Variants in SV2C observed in about 807,000 individuals in gnomAD.
SV2C encodes the protein solute carrier family 22 member B3.
SV2C carries 49 observed loss-of-function variants against 79.7 expected under a neutral mutation model. The ratio of observed to expected loss-of-function variants is 0.61; its 90% CI spans 0.49 to 0.78. The LOEUF is 0.78. Among genes scored for constraint, SV2C ranks in the 30% least tolerant of loss-of-function variants. The pLI, the probability that SV2C is intolerant of heterozygous loss-of-function variation, is 0.00. For synonymous variants in SV2C, 334 were observed against 333.2 expected (o/e 1.00, Z -0.03); for missense variants, 833 against 912.9 (o/e 0.91, Z 1.13).
the SV2C span, among the ~76,000 whole-genome samples, chr5:75,861,950 G>A: frequency 0.11 from 16,798 of 152,190 alleles, 992 homozygotes; most frequent in East Asian, 0.16. Context: ...ACCTGTACAT[G>A]TATCTTCTGA....
chr5:75,938,715 C>A, the SV2C span, among the ~76,000 whole-genome samples: 1 of 152,030 alleles, frequency 6.6e-6, no homozygotes, highest in Non-Finnish European at 1.5e-5. Flanking sequence ...TCTGGTAACA[C>A]GTATATTTTT....
the SV2C span, among the ~76,000 whole-genome samples, chr5:76,047,005 G>A: frequency 2.4e-4 from 36 of 152,328 alleles, no homozygotes; most frequent in South Asian, 4.1e-4. Context: ...TGAAGAATGT[G>A]AATTGAATTT....
chr5:75,932,590 A>G, the SV2C span, among the ~76,000 whole-genome samples: 1 of 152,248 alleles, frequency 6.6e-6, no homozygotes, highest in Admixed American at 6.5e-5. Context: ...TAAACAAAGC[A>G]TTCTTCGTGA....
upstream of SV2C, among the ~76,000 whole-genome samples, chr5:76,082,724 T>G (rs966391946): frequency 1.3e-5 from 2 of 150,180 alleles, no homozygotes; most frequent in Non-Finnish European, 3.0e-5. Context: ...CTATGTAGCA[T>G]TGGGGAGACA....
At chr5:75,921,607 GTTC>G in the SV2C span, 2 of 969,774 alleles carry the variant, frequency 2.1e-6, no homozygotes, top group South Asian at 2.6e-5. Context: ...TGACAATTGT[GTTC>G]TTCTCCCCCT....
intron 3 of SV2C, among the ~76,000 whole-genome samples, chr5:76,204,105 A>C (rs1158434952): frequency 1.3e-5 from 2 of 152,134 alleles, no homozygotes; most frequent in African/African-American, 4.8e-5. Flanking sequence ...GTGATACTCT[A>C]TTTACTTTCA....
intron 4 of SV2C, among the ~76,000 whole-genome samples, chr5:76,254,137 T>C (rs968436358): frequency 2.1e-5 from 3 of 145,546 alleles, no homozygotes; most frequent in Non-Finnish European, 4.5e-5. Flanking sequence ...ATTAAATATA[T>C]GTGTTATTAT....
At chr5:75,939,259 GC>G in the SV2C span, among the ~76,000 whole-genome samples, 1 of 152,132 alleles carries the variant, frequency 6.6e-6, no homozygotes, top group Non-Finnish European at 1.5e-5. Flanking sequence ...AGTTCTGGAG[GC>G]TGAGAAGTCC....
intron 1 of SV2C, among the ~76,000 whole-genome samples, chr5:76,116,071 A>C (rs1748254640): frequency 6.6e-6 from 1 of 152,202 alleles, no homozygotes; most frequent in Non-Finnish European, 1.5e-5. Flanking sequence ...CACCTCCTGC[A>C]CCCTATAACC....
the SV2C span, among the ~76,000 whole-genome samples, chr5:75,853,290 C>T: frequency 6.6e-6 from 1 of 152,126 alleles, no homozygotes. Flanking sequence ...GGCGCGGTGG[C>T]TCACGCCTGT....
In SV2C at chr5:76,093,020, C is replaced by T. The variant is rs549000221; in HGVS notation, c.-102+9508C>T. Among the ~76,000 whole-genome samples, 4 of 152,242 alleles carry T rather than the reference C, an allele frequency of 2.6e-5. No homozygotes were observed. The South Asian group carries it at 8.3e-4, about 32-fold the overall frequency. On this transcript the variant is annotated intron_variant, in intron 1 of 12. Transcript: ENST00000502798. ...GATATTTGTAACTCCTGGCACTGGA[C>T]ACATAGGGGCTGGAAGCATTTTAAA... is the stretch of plus-strand genomic sequence containing the variant.
At chr5:76,352,246 A>G (rs1404539323) in intron 12 of SV2C, among the ~76,000 whole-genome samples, 2 of 152,136 alleles carry the variant, frequency 1.3e-5, no homozygotes, top group Non-Finnish European at 2.9e-5. Flanking sequence ...AACATCTGCC[A>G]TGTAATCCAA....
intron 4 of SV2C, among the ~76,000 whole-genome samples, chr5:76,213,383 TA>T (rs1439937964): frequency 1.3e-5 from 2 of 152,236 alleles, no homozygotes; most frequent in Non-Finnish European, 2.9e-5. Flanking sequence ...TGGAGGTTTT[TA>T]ATGAATTTTT....
intron 12 of SV2C, among the ~76,000 whole-genome samples, chr5:76,351,932 G>T (rs960266159): frequency 6.6e-6 from 1 of 152,226 alleles, no homozygotes; most frequent in Non-Finnish European, 1.5e-5. Flanking sequence ...AAAATCGGCT[G>T]CTGGACGCGG....
chr5:75,882,682 A>T, the SV2C span, among the ~76,000 whole-genome samples: 6 of 143,960 alleles, frequency 4.2e-5, no homozygotes, highest in Non-Finnish European at 8.8e-5. Flanking sequence ...GGTGCTGGGA[A>T]AACAGGCTAG....
At chr5:75,921,016 C>T in the SV2C span, 4 of 715,010 alleles carry the variant, frequency 5.6e-6, no homozygotes, top group Non-Finnish European at 7.6e-6. Context: ...CGCGGTAGTT[C>T]TCATCCCTAA....
chr5:76,156,110 T>TCC (rs1742718101), intron 2 of SV2C, among the ~76,000 whole-genome samples: 1 of 152,120 alleles, frequency 6.6e-6, no homozygotes, highest in East Asian at 1.9e-4. Context: ...GAGTGAATCT[T>TCC]AAGCACTGGC....
At chr5:75,866,255 A>G in the SV2C span, among the ~76,000 whole-genome samples, 12 of 151,672 alleles carry the variant, frequency 7.9e-5, no homozygotes, top group South Asian at 2.1e-4. Context: ...ATCTTTTCTT[A>G]TGCTAAACAG....
chr5:75,886,096 G>A, the SV2C span, among the ~76,000 whole-genome samples: 5 of 152,032 alleles, frequency 3.3e-5, no homozygotes, highest in Non-Finnish European at 7.4e-5. Flanking sequence ...CCAGGATGTG[G>A]GCTTGACCTT....
Sources: gnomAD v4.1 joint callset for allele counts (sites outside exome capture counted in the v4.1 genomes callset) on GRCh38, gnomAD v4.1.1 for gene constraint, MANE v1.5 for transcripts, NCBI Gene and HGNC (gene_info 2026-07-23, HGNC 2026-07-21) for gene names.